Variants in METAP1D observed in about 807,000 individuals in gnomAD.
METAP1D encodes methionyl aminopeptidase type 1D, mitochondrial.
A neutral mutation model predicts 40.5 loss-of-function variants in METAP1D; 31 were observed. That is an observed-to-expected ratio of 0.77 (90% CI 0.58 to 1.03). METAP1D has a LOEUF of 1.03. Ranked by LOEUF, METAP1D falls within the 50% of genes least tolerant of loss-of-function variation. METAP1D has a pLI of 0.00. For synonymous variants in METAP1D, 151 were observed against 146.4 expected (o/e 1.03, Z -0.22); for missense variants, 411 against 420.7 (o/e 0.98, Z 0.20).
intron 1 of METAP1D, among the ~76,000 whole-genome samples, chr2:172,043,117 A>T (rs1398376070): frequency 0.94 from 110,693 of 117,958 alleles, 52,412 homozygotes; most frequent in Non-Finnish European, 0.99. Flanking sequence ...ATATATATAT[A>T]TTTTTTGGGA....
chr2:172,057,519 C>T (rs1381647974), intron 1 of METAP1D, among the ~76,000 whole-genome samples: 1 of 152,142 alleles, frequency 6.6e-6, no homozygotes, highest in Non-Finnish European at 1.5e-5. Context: ...GTTTGGTCAG[C>T]GAAGGCAGCT....
Position 172,080,621 on chromosome 2 carries a change from C to A in METAP1D, c.*215C>A. Reference sequence around the variant, plus strand: ...GTCGCGCGGCTTTGGAAAAACAAATCCTGGCCCTGGACTCGGTTTCCCAGC... The same window carrying A: ...GTCGCGCGGCTTTGGAAAAACAAATACTGGCCCTGGACTCGGTTTCCCAGC... On this transcript the variant is annotated 3_prime_UTR_variant, in exon 10 of 10. Coordinates refer to ENST00000315796, the MANE Select transcript of METAP1D (RefSeq NM_199227.3). The A allele has an allele frequency of 1.6e-6, 1 of 610,530 alleles. No homozygotes were observed. The highest frequency in any genetic ancestry group is 2.9e-6 in the Non-Finnish European group (1 of 346,054). The allele number at this position is 610,530 out of a possible 1,614,324, so 37.8% of individuals were successfully genotyped here.
chr2:172,014,068 C>G (rs1275436325), intron 1 of METAP1D, among the ~76,000 whole-genome samples: 6 of 151,672 alleles, frequency 4.0e-5, no homozygotes, highest in Non-Finnish European at 8.8e-5. Flanking sequence ...AGTGATCTGC[C>G]TGCCTCGGCC....
chr2:172,050,412 G>T (rs1408341024), intron 1 of METAP1D, among the ~76,000 whole-genome samples: 1 of 151,434 alleles, frequency 6.6e-6, no homozygotes, highest in Non-Finnish European at 1.5e-5. Context: ...AAGAATTAAA[G>T]AAGGATTTTG....
In METAP1D at chr2:172,071,050, T is replaced by A; in HGVS notation, c.684T>A (p.Ser228=). The change falls in exon 6 of 10, where the codon TCT becomes TCA. Residue 228 remains serine, a synonymous_variant. Transcript: ENST00000315796. ...IAACRAGAPF[S]VIGNTISHIT... is the part of the protein sequence containing the mutation. ...CTTGCAGAGCAGGGGCTCCCTTCTC[T>A]GTAATTGGAAACACAATCAGGTAAG... 1 of 1,610,970 alleles carries A rather than the reference T, an allele frequency of 6.2e-7. No homozygotes were observed. Among genetic ancestry groups the A allele is most frequent in the African/African-American group, 1.3e-5 (1 of 74,852 alleles).
chr2:172,042,967 G>GCA lies in METAP1D; in HGVS notation c.41-18531_41-18530insCA, dbSNP rs1491450122. The stretch of plus-strand genomic sequence containing the variant: ...TATGCGTACCTGTGTATATATATGC[G>GCA]TACATGTGCATACATATGTGTGCGT... On this transcript the variant is annotated intron_variant, in intron 1 of 9. Transcript: ENST00000315796. 3.5e-5 allele frequency among the ~76,000 whole-genome samples: 4 copies of GCA among 113,064 alleles called. 1 individual carries two copies. In the Admixed American group the frequency reaches 3.5e-4, roughly 10 times the overall value. 74.2% of individuals were successfully genotyped at this position (113,064 alleles called of 152,430 possible). A position where few individuals can be genotyped will look rare whatever the true frequency, so the allele number is the denominator to read the frequency against.
At chr2:172,036,795 G>T (rs13020884) in intron 1 of METAP1D, among the ~76,000 whole-genome samples, 73,028 of 152,092 alleles carry the variant, frequency 0.48, 18,617 homozygotes, top group East Asian at 0.84. Context: ...TTCCAAGGTG[G>T]TTGTACCAGT....
intron 1 of METAP1D, among the ~76,000 whole-genome samples, chr2:172,060,779 A>G (rs1237795155): frequency 2.0e-5 from 3 of 152,166 alleles, no homozygotes; most frequent in East Asian, 1.9e-4. Context: ...TTCTACCACA[A>G]ATAATGCTGC....
At chr2:172,026,363 A>G (rs1231068965) in intron 1 of METAP1D, among the ~76,000 whole-genome samples, 1 of 152,172 alleles carries the variant, frequency 6.6e-6, no homozygotes, top group African/African-American at 2.4e-5. Flanking sequence ...TCTGGCAGGA[A>G]TACATCACAG....
At chr2:172,053,040 T>C (rs1689918831) in intron 1 of METAP1D, among the ~76,000 whole-genome samples, 1 of 152,264 alleles carries the variant, frequency 6.6e-6, no homozygotes, top group South Asian at 2.1e-4. Context: ...TTTTGAAACG[T>C]ACACCTTAGT....
At chr2:172,054,556 C>T (rs1689961104) in intron 1 of METAP1D, among the ~76,000 whole-genome samples, 1 of 120,556 alleles carries the variant, frequency 8.3e-6, no homozygotes, top group Non-Finnish European at 2.0e-5. Flanking sequence ...AAAATGCATT[C>T]CTCCCTCCAT....
intron 5 of METAP1D, among the ~76,000 whole-genome samples, chr2:172,067,622 C>T (rs1690316586): frequency 6.6e-6 from 1 of 152,142 alleles, no homozygotes; most frequent in African/African-American, 2.4e-5. Flanking sequence ...CATCTATTTT[C>T]TCATCTAGTC....
At chr2:172,045,488 C>T (rs1161996034) in intron 1 of METAP1D, among the ~76,000 whole-genome samples, 1 of 133,886 alleles carries the variant, frequency 7.5e-6, no homozygotes, top group Non-Finnish European at 1.7e-5. Flanking sequence ...TGGAGAAACC[C>T]CGTCTCTACT....
intron 1 of METAP1D, among the ~76,000 whole-genome samples, chr2:172,010,078 G>T (rs1400718086): frequency 6.6e-6 from 1 of 152,040 alleles, no homozygotes; most frequent in Non-Finnish European, 1.5e-5. Context: ...GCAGTAGAAG[G>T]AGCTTGTGAA....
chr2:172,079,103 G>T, intron 7 of METAP1D, 112 bp from the exon 8 acceptor site: 1 of 1,056,140 alleles, frequency 9.5e-7, no homozygotes, highest in East Asian at 2.4e-5. Context: ...TTCTCTAAAA[G>T]AAGAGAAATA....
intron 1 of METAP1D, among the ~76,000 whole-genome samples, chr2:172,030,017 A>G (rs1030074533): frequency 9.2e-5 from 14 of 152,140 alleles, no homozygotes; most frequent in African/African-American, 3.4e-4. Context: ...GGGCCTCCCA[A>G]GGTGCTGGGA....
intron 1 of METAP1D, among the ~76,000 whole-genome samples, chr2:172,041,108 CT>C (rs1689511453): frequency 6.6e-6 from 1 of 151,984 alleles, no homozygotes; most frequent in South Asian, 2.1e-4. Flanking sequence ...TATACAAGAA[CT>C]GAAGGAGTCT....
At chr2:172,017,369 A>G (rs1305587077) in intron 1 of METAP1D, among the ~76,000 whole-genome samples, 1 of 147,060 alleles carries the variant, frequency 6.8e-6, no homozygotes, top group Non-Finnish European at 1.5e-5. Context: ...ATATGTATAT[A>G]TATGTGTATA....
intron 1 of METAP1D, among the ~76,000 whole-genome samples, chr2:172,061,153 G>A (rs1690131976): frequency 6.6e-6 from 1 of 152,202 alleles, no homozygotes; most frequent in African/African-American, 2.4e-5. Context: ...ACAGTGCCCT[G>A]AATCTAGGGT....
Sources: allele counts gnomAD v4.1 joint callset (sites outside exome capture counted in the v4.1 genomes callset), GRCh38; gene constraint gnomAD v4.1.1; transcripts MANE v1.5; gene names NCBI Gene and HGNC (gene_info 2026-07-23, HGNC 2026-07-21).